The following ABCB5 variants were observed in gnomAD, a reference collection of about 807,000 sequenced individuals.
ABCB5 encodes the protein ATP binding cassette subfamily B member 5.
A neutral mutation model predicts 144.2 loss-of-function variants in ABCB5; 155 were observed. The observed-to-expected ratio is 1.08, with a 90% confidence interval of 0.94 to 1.23. The LOEUF is 1.23. Among genes scored for constraint, ABCB5 ranks in the 50% most tolerant of loss-of-function variants. The pLI, the probability that ABCB5 is intolerant of heterozygous loss-of-function variation, is 0.00. For synonymous variants in ABCB5, 610 were observed against 528.6 expected, an observed-to-expected ratio of 1.15 and a Z score of -2.11; for missense variants, 1,830 against 1,520.8, an observed-to-expected ratio of 1.20 and a Z score of -3.38.
intron 14 of ABCB5, 29 bp downstream of exon 14, chr7:20,658,705 C>A (rs774667917): frequency 1.2e-5 from 19 of 1,609,572 alleles, no homozygotes; most frequent in Non-Finnish European, 1.4e-5. Context: ...TTCTTATTTC[C>A]ATACTCCTGG....
intron 4 of ABCB5, among the ~76,000 whole-genome samples, chr7:20,631,696 C>T (rs1027591099): frequency 9.9e-5 from 15 of 152,066 alleles, no homozygotes; most frequent in African/African-American, 3.6e-4. Flanking sequence ...TGAAATCATT[C>T]CCTGGAGTGT....
chr7:20,706,837 A>G (rs1786842098), intron 20 of ABCB5, among the ~76,000 whole-genome samples: 1 of 152,226 alleles, frequency 6.6e-6, no homozygotes, highest in Admixed American at 6.5e-5. Context: ...CTATCTCTAT[A>G]TTTTAAAAAA....
At chr7:20,711,861 CCT>C (rs1562573901) in intron 20 of ABCB5, among the ~76,000 whole-genome samples, 2 of 29,348 alleles carry the variant, frequency 6.8e-5, no homozygotes, top group African/African-American at 2.7e-4. Context: ...TTCTTTCTTT[CCT>C]TCCTCCCTCC....
At chr7:20,628,171 A>G (rs1214693174) in intron 3 of ABCB5, among the ~76,000 whole-genome samples, 1 of 149,280 alleles carries the variant, frequency 6.7e-6, no homozygotes, top group East Asian at 2.0e-4. Context: ...CTCCCACCCC[A>G]CAACAGGCCC....
chr7:20,708,099 C>T (rs776736938), intron 20 of ABCB5, among the ~76,000 whole-genome samples: 4 of 152,100 alleles, frequency 2.6e-5, no homozygotes, highest in African/African-American at 7.2e-5. Context: ...CCACCGCGCC[C>T]GGCGGTAACC....
intron 14 of ABCB5, chr7:20,659,565 A>G: frequency 1.0e-6 from 1 of 997,046 alleles, no homozygotes; most frequent in Non-Finnish European, 1.2e-6. Flanking sequence ...TTTCCCTCCC[A>G]TAATAACAAT....
At chr7:20,678,317 G>T (rs557916443) in intron 14 of ABCB5, among the ~76,000 whole-genome samples, 28 of 152,140 alleles carry the variant, frequency 1.8e-4, no homozygotes, top group Non-Finnish European at 3.4e-4. Flanking sequence ...AAGTTTGAAA[G>T]AAATTATCAC....
chr7:20,629,145 CGTGT>C (rs149986314), intron 4 of ABCB5, among the ~76,000 whole-genome samples: 17,699 of 135,036 alleles, frequency 0.13, 1,233 homozygotes, highest in Non-Finnish European at 0.16. Context: ...AGAGAGACTG[CGTGT>C]GTGTGTGTGT....
chr7:20,631,946 A>G (rs1387034861), intron 4 of ABCB5, 113 bp from the exon 5 acceptor site: 2 of 500,298 alleles, frequency 4.0e-6, no homozygotes, highest in Admixed American at 7.8e-5. Context: ...GCGTGTGGGC[A>G]GTAAATCTGT....
intron 2 of ABCB5, among the ~76,000 whole-genome samples, chr7:20,625,812 A>T (rs1264318084): frequency 6.6e-6 from 1 of 152,220 alleles, no homozygotes; most frequent in Non-Finnish European, 1.5e-5. Flanking sequence ...TACTCAAAAG[A>T]ATTAAAACCA....
chr7:20,663,762 C>T (rs1207208913), intron 14 of ABCB5, among the ~76,000 whole-genome samples: 11 of 140,036 alleles, frequency 7.9e-5, no homozygotes, highest in African/African-American at 2.7e-4. Flanking sequence ...GTCACCCAGG[C>T]TGGAGTGCAG....
chr7:20,620,914 C>T (rs534276453), intron 1 of ABCB5, among the ~76,000 whole-genome samples: 17 of 152,114 alleles, frequency 1.1e-4, no homozygotes, highest in Admixed American at 4.6e-4. Flanking sequence ...AGAACTGAAA[C>T]GAGGATACTC....
intron 5 of ABCB5, among the ~76,000 whole-genome samples, chr7:20,641,303 A>AT (rs969611902): frequency 1.3e-5 from 2 of 151,728 alleles, no homozygotes; most frequent in African/African-American, 2.4e-5. Context: ...ATACATTGGC[A>AT]TTTTTTTCAG....
chr7:20,623,230 A>T (rs1224659333), intron 1 of ABCB5, 35 bp from the exon 2 acceptor site: 1 of 1,208,176 alleles, frequency 8.3e-7, no homozygotes, highest in Non-Finnish European at 1.2e-6. Flanking sequence ...TAAAAGTCAC[A>T]TAGCCATAAT....
chr7:20,731,385 T>TATATATATATATATATATATACAC (rs1554289445), intron 23 of ABCB5, among the ~76,000 whole-genome samples: 1 of 147,158 alleles, frequency 6.8e-6, no homozygotes, highest in Admixed American at 6.8e-5. Flanking sequence ...TATATATATA[T>TATATATATATATATATATATACAC]ACATATAAAA....
chr7:20,640,063 A>G (rs1383013193), intron 5 of ABCB5, among the ~76,000 whole-genome samples: 2 of 152,130 alleles, frequency 1.3e-5, no homozygotes, highest in African/African-American at 4.8e-5. Flanking sequence ...TATTCATCTT[A>G]CATTTATTTT....
rs151104767 is a variant in ABCB5 at position 20,713,951 on chromosome 7, G to A, written c.2422-9065G>A. ...TTAGATTCCTGAGATTCTCAGCTTT[G>A]TCTGCTCAACTCAGAGTCTATTGGG... On this transcript the variant is annotated intron_variant, in intron 20 of 27. Transcript: ENST00000404938. Among the ~76,000 whole-genome samples the A allele has an allele frequency of 3.4e-3, 440 of 130,116 alleles. 23 individuals are homozygous for A. The highest frequency in any genetic ancestry group is 0.011 in the African/African-American group (373 of 34,778). The allele number at this position is 130,116 out of a possible 152,430, so 85.4% of individuals were successfully genotyped here.
Position 20,646,120 on chromosome 7 carries a change from C to G in ABCB5, c.963C>G (p.Thr321=). 11 of 1,613,116 alleles carry G rather than the reference C, an allele frequency of 6.8e-6. No individual in the cohort carries two copies. Among genetic ancestry groups the G allele is most frequent in the Non-Finnish European group, 9.3e-6 (11 of 1,179,572 alleles). The change falls in exon 9 of 28, where the codon ACC becomes ACG. Residue 321 remains threonine (T), a synonymous_variant. Coordinates refer to ENST00000404938, the MANE Select transcript of ABCB5 (RefSeq NM_001163941.2). ...TTCTTAATGGAGAACCTGGATATAC[C>G]ATCGGGACTGTTCTTGCTGTAAGTC... ...SLILNGEPGY[T]IGTVLAVFFS...
At chr7:20,680,024 G>T (rs1369999478) in intron 14 of ABCB5, among the ~76,000 whole-genome samples, 2 of 152,184 alleles carry the variant, frequency 1.3e-5, no homozygotes, top group Admixed American at 1.3e-4. Flanking sequence ...ATCAGGAATA[G>T]AATGGATAAA....
Sources: allele counts gnomAD v4.1 joint callset (sites outside exome capture counted in the v4.1 genomes callset), GRCh38; gene constraint gnomAD v4.1.1; transcripts MANE v1.5; gene names NCBI Gene and HGNC (gene_info 2026-07-23, HGNC 2026-07-21).